The following BABAM2 variants were observed in gnomAD, a reference collection of about 807,000 sequenced individuals.
The protein encoded by BABAM2 is BRISC and BRCA1 A complex member 2.
In BABAM2, 31 loss-of-function variants were observed where a neutral mutation model predicts 54.7. That is an observed-to-expected ratio of 0.57 (90% CI 0.43 to 0.77). The LOEUF is 0.77. BABAM2 is among the 30% of genes least tolerant of loss of function. The pLI, the probability that BABAM2 is intolerant of heterozygous loss-of-function variation, is 0.00. For missense variants in BABAM2, 364 were observed against 455.8 expected (o/e 0.80, Z 1.83); for synonymous variants, 167 against 162.9 (o/e 1.03, Z -0.19).
chr2:27,974,051 T>G (rs1187297098), intron 3 of BABAM2, among the ~76,000 whole-genome samples: 1 of 151,558 alleles, frequency 6.6e-6, no homozygotes, highest in Non-Finnish European at 1.5e-5. Context: ...AATTTATAGT[T>G]AAAAAAAAAT....
At position 28,040,294 on chromosome 2, in the gene BABAM2, C is replaced by CTTTTTTTTTTTTTTTTTTTTTTTTTT. The variant is rs397735161; in HGVS notation, c.496-5407_496-5406insTTTTTTTTTTTTTTTTTTTTTTTTTT. On this transcript the variant is annotated intron_variant, in intron 5 of 11. Coordinates refer to ENST00000379624, the MANE Select transcript of BABAM2 (RefSeq NM_199191.3). ...CAGTGCCAGAATGAAAAACTGAATT[C>CTTTTTTTTTTTTTTTTTTTTTTTTTT]TTTTTTTTTTTTTTTTTTTTTTTTG... Among the ~76,000 whole-genome samples the CTTTTTTTTTTTTTTTTTTTTTTTTTT allele has an allele frequency of 5.4e-4, 32 of 59,494 alleles. 8 individuals are homozygous for CTTTTTTTTTTTTTTTTTTTTTTTTTT. The highest frequency in any genetic ancestry group is 8.1e-4 in the African/African-American group (12 of 14,874). 39.0% of individuals were successfully genotyped at this position (59,494 alleles called of 152,430 possible).
intron 6 of BABAM2, among the ~76,000 whole-genome samples, chr2:28,096,915 A>T (rs1666680247): frequency 6.6e-6 from 1 of 152,212 alleles, no homozygotes; most frequent in Non-Finnish European, 1.5e-5. Context: ...GGTTGCATTC[A>T]GGAAAGATTA....
intron 10 of BABAM2, among the ~76,000 whole-genome samples, chr2:28,297,263 C>G (rs971589679): frequency 1.3e-5 from 2 of 152,138 alleles, no homozygotes; most frequent in African/African-American, 4.8e-5. Context: ...GGTTTGCTCA[C>G]CTGTTAAATG....
At chr2:28,195,543 G>C (rs781681672) in intron 7 of BABAM2, among the ~76,000 whole-genome samples, 9 of 152,228 alleles carry the variant, frequency 5.9e-5, no homozygotes, top group Non-Finnish European at 1.3e-4. Context: ...TGGCAACTGA[G>C]GGAATGGTTT....
chr2:27,942,182 G>T (rs1251951661), intron 3 of BABAM2, among the ~76,000 whole-genome samples: 1 of 152,148 alleles, frequency 6.6e-6, no homozygotes, highest in Non-Finnish European at 1.5e-5. Flanking sequence ...GTGGGGCTTG[G>T]CATGGATGAC....
intron 8 of BABAM2, among the ~76,000 whole-genome samples, chr2:28,240,071 G>A (rs1217257804): frequency 2.0e-5 from 3 of 151,376 alleles, no homozygotes; most frequent in Admixed American, 6.6e-5. Flanking sequence ...GAATTGAGAC[G>A]TTCTACAAGA....
At chr2:28,213,315 C>T (rs1679640064) in intron 7 of BABAM2, among the ~76,000 whole-genome samples, 1 of 152,060 alleles carries the variant, frequency 6.6e-6, no homozygotes, top group South Asian at 2.1e-4. Flanking sequence ...AAAGAAGCTA[C>T]CAAGAACTCA....
chr2:28,267,986 G>A (rs1685124633), intron 10 of BABAM2, among the ~76,000 whole-genome samples: 1 of 152,142 alleles, frequency 6.6e-6, no homozygotes, highest in Admixed American at 6.5e-5. Flanking sequence ...ATACAACTGT[G>A]AAAATGACAA....
At chr2:28,287,369 C>A (rs1686912788) in intron 10 of BABAM2, among the ~76,000 whole-genome samples, 1 of 152,150 alleles carries the variant, frequency 6.6e-6, no homozygotes, top group South Asian at 2.1e-4. Context: ...TAAAACAGTA[C>A]TAAATGCTAT....
chr2:27,910,954 T>C (rs1666544031), intron 2 of BABAM2, among the ~76,000 whole-genome samples: 1 of 152,202 alleles, frequency 6.6e-6, no homozygotes, highest in Admixed American at 6.5e-5. Context: ...AATTGAATCC[T>C]GGGGGTGGTT....
At chr2:28,235,626 CAA>C (rs948046856) in intron 7 of BABAM2, among the ~76,000 whole-genome samples, 1 of 152,098 alleles carries the variant, frequency 6.6e-6, no homozygotes, top group Non-Finnish European at 1.5e-5. Context: ...TAGACTGAGT[CAA>C]AGTGCCCTAA....
At chr2:27,925,783 G>A (rs570516955) in intron 2 of BABAM2, among the ~76,000 whole-genome samples, 177 of 152,250 alleles carry the variant, frequency 1.2e-3, no homozygotes, top group African/African-American at 3.8e-3. Context: ...GACCCTGTTC[G>A]TTCCTTTCCA....
At chr2:28,020,469 C>T (rs1455850330) in intron 4 of BABAM2, among the ~76,000 whole-genome samples, 1 of 152,078 alleles carries the variant, frequency 6.6e-6, no homozygotes, top group Non-Finnish European at 1.5e-5. Flanking sequence ...TTTTAAATAG[C>T]TCCCAACTAT....
At chr2:28,327,244 T>TCTC (rs770257670) in intron 11 of BABAM2, 17 of 1,578,750 alleles carry the variant, frequency 1.1e-5, no homozygotes, top group Non-Finnish European at 1.4e-5. Flanking sequence ...GGCCCTCCCT[T>TCTC]CTCCTCCTCC....
At chr2:28,306,783 A>G (rs1688564733) in intron 11 of BABAM2, among the ~76,000 whole-genome samples, 1 of 149,068 alleles carries the variant, frequency 6.7e-6, no homozygotes, top group African/African-American at 2.5e-5. Context: ...GGCAACCTCC[A>G]CCTCCTGGGT....
At chr2:28,086,571 G>A (rs1442328885) in intron 6 of BABAM2, among the ~76,000 whole-genome samples, 1 of 152,054 alleles carries the variant, frequency 6.6e-6, no homozygotes, top group East Asian at 1.9e-4. Flanking sequence ...AGCTGATAGA[G>A]GTCTTCTTTT....
intron 10 of BABAM2, among the ~76,000 whole-genome samples, chr2:28,255,611 T>A (rs570748456): frequency 4.7e-4 from 71 of 152,304 alleles, no homozygotes; most frequent in African/African-American, 1.5e-3. Flanking sequence ...AATAGAATTC[T>A]TAGCACTAGA....
At chr2:28,114,218 G>A (rs1668391900) in intron 6 of BABAM2, among the ~76,000 whole-genome samples, 1 of 152,178 alleles carries the variant, frequency 6.6e-6, no homozygotes, top group Non-Finnish European at 1.5e-5. Context: ...AACAGGAAGA[G>A]AGGAAGTCAA....
At chr2:28,181,137 A>G (rs577145373) in intron 7 of BABAM2, among the ~76,000 whole-genome samples, 9 of 152,246 alleles carry the variant, frequency 5.9e-5, no homozygotes, top group African/African-American at 1.9e-4. Flanking sequence ...GGAAATAAGT[A>G]TATCTAAGGA....
Sources: gnomAD v4.1 joint callset for allele counts (sites outside exome capture counted in the v4.1 genomes callset) on GRCh38, gnomAD v4.1.1 for gene constraint, MANE v1.5 for transcripts, NCBI Gene and HGNC (gene_info 2026-07-23, HGNC 2026-07-21) for gene names.